Variants in MTCL2 observed in about 807,000 individuals in gnomAD.
MTCL2 encodes the protein microtubule cross-linking factor 2.
chr20:36,821,961 C>A, the MTCL2 span, among the ~76,000 whole-genome samples: 6 of 152,180 alleles, frequency 3.9e-5, no homozygotes, highest in Non-Finnish European at 7.3e-5. Flanking sequence ...TTCCAGCAGG[C>A]AGAGAAAAGG....
the MTCL2 span, chr20:36,805,842 T>A: frequency 6.2e-7 from 1 of 1,600,744 alleles, no homozygotes; most frequent in East Asian, 2.2e-5. Context: ...GGGAAGGGGC[T>A]GGAAACACAC....
the MTCL2 span, among the ~76,000 whole-genome samples, chr20:36,810,570 G>A: frequency 1.3e-5 from 2 of 152,108 alleles, no homozygotes; most frequent in East Asian, 3.9e-4. Context: ...ACAACAGAAA[G>A]TAGAAAAACA....
At chr20:36,813,491 T>A in the MTCL2 span, among the ~76,000 whole-genome samples, 5 of 151,672 alleles carry the variant, frequency 3.3e-5, no homozygotes, top group Non-Finnish European at 7.4e-5. Context: ...CCCAACACTT[T>A]GGGAGGCCGA....
chr20:36,861,941 A>G, the MTCL2 span, among the ~76,000 whole-genome samples: 2 of 152,188 alleles, frequency 1.3e-5, no homozygotes, highest in Non-Finnish European at 2.9e-5. Flanking sequence ...CACTGCGAAC[A>G]TGGAAAGGCA....
chr20:36,786,649 G>A, the MTCL2 span: 1 of 1,544,402 alleles, frequency 6.5e-7, no homozygotes, highest in Non-Finnish European at 8.7e-7. Context: ...TAGGAAGAGG[G>A]AGGCAGGGAG....
chr20:36,810,176 T>A, the MTCL2 span: 1 of 1,513,440 alleles, frequency 6.6e-7, no homozygotes, highest in African/African-American at 1.4e-5. Context: ...GAAATTGTGA[T>A]CTAAGGATGA....
At chr20:36,785,878 GC>G in the MTCL2 span, 1 of 985,942 alleles carries the variant, frequency 1.0e-6, no homozygotes, top group Non-Finnish European at 1.2e-6. Flanking sequence ...CTAAGCAATG[GC>G]CCTGGCTACT....
At chr20:36,816,200 C>T in the MTCL2 span, 1 of 1,613,630 alleles carries the variant, frequency 6.2e-7, no homozygotes, top group Non-Finnish European at 8.5e-7. Context: ...TCAGCAGCTC[C>T]TCCTTCATGC....
At chr20:36,857,716 C>T in the MTCL2 span, among the ~76,000 whole-genome samples, 1 of 152,258 alleles carries the variant, frequency 6.6e-6, no homozygotes, top group Admixed American at 6.5e-5. Flanking sequence ...GAGCTACATG[C>T]AGAAGCCTAC....
the MTCL2 span, among the ~76,000 whole-genome samples, chr20:36,816,954 T>C: frequency 2.6e-5 from 4 of 151,884 alleles, no homozygotes; most frequent in Non-Finnish European, 5.9e-5. Context: ...GGAAATAAAG[T>C]GGGCAGTGAA....
the MTCL2 span, among the ~76,000 whole-genome samples, chr20:36,834,167 A>G: frequency 2.6e-5 from 4 of 151,220 alleles, 1 homozygote; most frequent in African/African-American, 9.7e-5. Context: ...CATCTCAAAA[A>G]AAAAAAAAAA....
chr20:36,794,477 G>A, the MTCL2 span: 2 of 1,614,010 alleles, frequency 1.2e-6, no homozygotes, highest in Non-Finnish European at 8.5e-7. This position sits in a 1 kb window ranked among gnomAD's most constrained non-coding sequence, Gnocchi z 5.4. Context: ...CCCTGGCTCG[G>A]AGCTCACAAA....
the MTCL2 span, chr20:36,816,157 C>G: frequency 6.2e-7 from 1 of 1,613,774 alleles, no homozygotes; most frequent in Non-Finnish European, 8.5e-7. Flanking sequence ...GCTGACAGCG[C>G]GCTGTCCAGG....
At chr20:36,859,708 C>T in the MTCL2 span, 1 of 1,231,614 alleles carries the variant, frequency 8.1e-7, no homozygotes, top group Non-Finnish European at 1.0e-6. Context: ...TCCCAGTGAC[C>T]CCTACAAGGG....
chr20:36,835,546 C>T, the MTCL2 span, among the ~76,000 whole-genome samples: 3 of 152,154 alleles, frequency 2.0e-5, no homozygotes, highest in Non-Finnish European at 4.4e-5. Context: ...AGGCAGCGCC[C>T]GCCCCCTCCC....
the MTCL2 span, among the ~76,000 whole-genome samples, chr20:36,788,694 G>A: frequency 6.6e-6 from 1 of 152,124 alleles, no homozygotes; most frequent in Admixed American, 6.6e-5. Context: ...CAAACTGCTT[G>A]GTTAAATCCC....
chr20:36,803,962 A>T, the MTCL2 span, among the ~76,000 whole-genome samples: 1 of 150,742 alleles, frequency 6.6e-6, no homozygotes, highest in East Asian at 1.9e-4. Context: ...GTCTCAAAAA[A>T]AAAAAAAAAA....
the MTCL2 span, among the ~76,000 whole-genome samples, chr20:36,809,757 G>A: frequency 6.6e-6 from 1 of 151,994 alleles, no homozygotes; most frequent in Non-Finnish European, 1.5e-5. Context: ...TGTATTTTTA[G>A]TAGAGGCGGG....
At chr20:36,862,770 G>T in the MTCL2 span, 8 of 1,442,788 alleles carry the variant, frequency 5.5e-6, no homozygotes, top group Non-Finnish European at 7.3e-6. Context: ...GGCGCTGAGC[G>T]GCAAGCGGCT....
Sources: allele counts gnomAD v4.1 joint callset (sites outside exome capture counted in the v4.1 genomes callset), GRCh38; gene constraint gnomAD v4.1.1; non-coding constraint Gnocchi (gnomAD v3.1); transcripts MANE v1.5; gene names NCBI Gene and HGNC (gene_info 2026-07-23, HGNC 2026-07-21).